ACSL3: variants seen among roughly 807,000 people sequenced by gnomAD.
The protein encoded by ACSL3 is acyl-CoA synthetase long chain family member 3.
A neutral mutation model predicts 84.7 loss-of-function variants in ACSL3; 34 were observed. The ratio of observed to expected loss-of-function variants is 0.40; its 90% CI spans 0.31 to 0.53. ACSL3 has a LOEUF of 0.53. Ranked by LOEUF, ACSL3 falls within the 20% of genes least tolerant of loss-of-function variation. The probability of loss-of-function intolerance (pLI) is 0.48; values close to 1 mark genes in which losing one functional copy is unlikely to be tolerated. For missense variants in ACSL3, 680 were observed against 873.1 expected (o/e 0.78, Z 2.79); for synonymous variants, 315 against 299.4 (o/e 1.05, Z -0.54).
intron 13 of ACSL3, 138 bp downstream of exon 13, chr2:222,929,074 G>A (rs1696955469): frequency 1.5e-5 from 9 of 606,942 alleles, no homozygotes; most frequent in East Asian, 2.9e-5. Flanking sequence ...GTTTTATCTC[G>A]AACTATATGA....
rs1447391410 is a variant in ACSL3 at position 222,943,978 on chromosome 2, C to T, written c.*2324C>T. 2 of 152,076 alleles carry T rather than the reference C, an allele frequency of 1.3e-5. No individual in the cohort carries two copies. The highest frequency in any genetic ancestry group is 6.5e-5 in the Admixed American group (1 of 15,276). 9.4% of individuals were successfully genotyped at this position (152,076 alleles called of 1,614,324 possible). The stretch of plus-strand genomic sequence containing the variant: ...TTGTTTACTGGGAATAAACTAAGCT[C>T]TATGAAGAATTCGTAAGCATTACAT... On this transcript the variant is annotated 3_prime_UTR_variant, in exon 17 of 17. Transcript: ENST00000357430.
chr2:222,913,223 C>G (rs1404286458), intron 4 of ACSL3, among the ~76,000 whole-genome samples: 2 of 152,152 alleles, frequency 1.3e-5, no homozygotes, highest in African/African-American at 4.8e-5. Flanking sequence ...AATAGAAACA[C>G]TCATTTATGT....
intron 2 of ACSL3, among the ~76,000 whole-genome samples, chr2:222,894,814 G>A (rs1325229300): frequency 2.0e-5 from 3 of 152,084 alleles, no homozygotes; most frequent in African/African-American, 7.2e-5. Context: ...TACTTTTAAT[G>A]GCTGCATAAT....
At position 222,934,521 on chromosome 2, in the gene ACSL3, A is replaced by G. The variant is rs201305655; in HGVS notation, c.1848-9A>G. The G allele has an allele frequency of 1.6e-4, 253 of 1,542,004 alleles. No homozygotes were observed. Among genetic ancestry groups the G allele is most frequent in the Middle Eastern group, 3.4e-4 (2 of 5,920 alleles). ...TTGTTCCTTATCTGTTATCCTTTCT[A>G]TATTTCAGTTATCATTCTTATGTCA... On this transcript the variant is annotated splice_polypyrimidine_tract_variant and intron_variant, in intron 15 of 16. Coordinates refer to ENST00000357430, the MANE Select transcript of ACSL3 (RefSeq NM_004457.5).
Position 222,927,200 on chromosome 2 carries a change from C to T in ACSL3, c.1465+11C>T. The stretch of plus-strand genomic sequence containing the variant: ...GAACAATTTCCGAAGGTAGTGTTCT[C>T]CATGGTCAGAGGCTGGAGTGTGATG... On this transcript the variant is annotated intron_variant, in intron 12 of 16. Coordinates refer to ENST00000357430, the MANE Select transcript of ACSL3 (RefSeq NM_004457.5). The T allele has an allele frequency of 6.2e-7, 1 of 1,609,226 alleles. No homozygotes were observed. Among genetic ancestry groups the T allele is most frequent in the South Asian group, 1.1e-5 (1 of 90,850 alleles).
At chr2:222,937,848 T>G (rs527728991) in intron 16 of ACSL3, among the ~76,000 whole-genome samples, 5 of 152,058 alleles carry the variant, frequency 3.3e-5, no homozygotes, top group Non-Finnish European at 5.9e-5. Flanking sequence ...AACTATTTTC[T>G]GTATATCTTG....
chr2:222,934,184 CATGCT>C (rs1697110666), intron 15 of ACSL3, among the ~76,000 whole-genome samples: 1 of 152,126 alleles, frequency 6.6e-6, no homozygotes, highest in Admixed American at 6.5e-5. Flanking sequence ...TTTTAAAACA[CATGCT>C]ATGAAATACT....
chr2:222,937,473 A>G (rs1022978132), intron 16 of ACSL3, among the ~76,000 whole-genome samples: 1 of 152,148 alleles, frequency 6.6e-6, no homozygotes, highest in African/African-American at 2.4e-5. Flanking sequence ...TGCTTCATAT[A>G]TTTAGAAACA....
intron 11 of ACSL3, 45 bp from the exon 12 acceptor site, chr2:222,926,972 C>T: frequency 6.3e-7 from 1 of 1,578,906 alleles, no homozygotes; most frequent in East Asian, 2.3e-5. Flanking sequence ...TTGGAAAATC[C>T]CATTCAGTTT....
At chr2:222,894,839 G>T (rs1328745555) in intron 2 of ACSL3, among the ~76,000 whole-genome samples, 5 of 152,076 alleles carry the variant, frequency 3.3e-5, no homozygotes, top group Non-Finnish European at 5.9e-5. Context: ...TGTTCAATGG[G>T]TATATATGTT....
intron 2 of ACSL3, among the ~76,000 whole-genome samples, chr2:222,894,545 T>C (rs1384479605): frequency 6.6e-6 from 1 of 152,248 alleles, no homozygotes; most frequent in African/African-American, 2.4e-5. Flanking sequence ...TTTAATGCTG[T>C]TAAACTTAAT....
chr2:222,911,492 A>ATATGG (rs1696439483), intron 4 of ACSL3, among the ~76,000 whole-genome samples: 1 of 152,108 alleles, frequency 6.6e-6, no homozygotes, highest in Non-Finnish European at 1.5e-5. Context: ...TTTGTCTTTG[A>ATATGG]TATGCTATTT....
chr2:222,915,463 A>G (rs1489693541), intron 4 of ACSL3, among the ~76,000 whole-genome samples: 2 of 152,254 alleles, frequency 1.3e-5, no homozygotes, highest in East Asian at 3.9e-4. Flanking sequence ...GATGTATATT[A>G]CTGACACAGC....
chr2:222,892,203 A>G (rs1018095771), intron 2 of ACSL3, among the ~76,000 whole-genome samples: 11 of 152,224 alleles, frequency 7.2e-5, no homozygotes, highest in African/African-American at 2.7e-4. Flanking sequence ...ATTACACATA[A>G]TAAGTTAGTC....
chr2:222,880,931 G>A (rs1174512129), intron 1 of ACSL3, among the ~76,000 whole-genome samples: 1 of 151,880 alleles, frequency 6.6e-6, no homozygotes, highest in Non-Finnish European at 1.5e-5. Flanking sequence ...TTTTTCAAAT[G>A]ATTCCTTCAG....
intron 12 of ACSL3, among the ~76,000 whole-genome samples, chr2:222,928,268 G>T (rs139391868): frequency 6.6e-6 from 1 of 152,202 alleles, no homozygotes; most frequent in Non-Finnish European, 1.5e-5. Context: ...GGGTGTGATA[G>T]CATAAGCTGA....
intron 14 of ACSL3, among the ~76,000 whole-genome samples, chr2:222,931,526 A>G (rs902307124): frequency 6.6e-6 from 1 of 151,826 alleles, no homozygotes; most frequent in Admixed American, 6.6e-5. Flanking sequence ...TTTATATCCC[A>G]CTAGTTTATT....
In ACSL3 at chr2:222,870,155, G is replaced by A. The variant is rs114840260; in HGVS notation, c.-207+8897G>A. On this transcript the variant is annotated intron_variant, in intron 1 of 16. Transcript: ENST00000357430. ...CTTTCTTGCTTTTGGGGGATGGAGA[G>A]GGATCTGCTTCATCACTGTTCTTTT... Among the ~76,000 whole-genome samples the A allele has an allele frequency of 7.2e-3, 1,097 of 151,712 alleles. 23 individuals carry two copies. Among genetic ancestry groups the A allele is most frequent in the African/African-American group, 0.025 (1,018 of 41,306 alleles).
At chr2:222,904,444 G>A (rs769378865) in intron 3 of ACSL3, among the ~76,000 whole-genome samples, 1 of 152,100 alleles carries the variant, frequency 6.6e-6, no homozygotes. Context: ...ATGATGATTT[G>A]TATATTAATA....
Sources: allele counts gnomAD v4.1 joint callset (sites outside exome capture counted in the v4.1 genomes callset), GRCh38; gene constraint gnomAD v4.1.1; transcripts MANE v1.5; gene names NCBI Gene and HGNC (gene_info 2026-07-23, HGNC 2026-07-21).